Variants in RPTOR observed in about 807,000 individuals in gnomAD.
The protein encoded by RPTOR is regulatory associated protein of MTOR complex 1, also known as regulatory-associated protein of mTOR.
A neutral mutation model predicts 169.9 loss-of-function variants in RPTOR; 21 were observed. The observed-to-expected ratio is 0.12, with a 90% confidence interval of 0.09 to 0.18. RPTOR has a LOEUF of 0.18. Ranked by LOEUF, RPTOR falls within the 10% of genes least tolerant of loss-of-function variation. The pLI is 1.00. For missense variants in RPTOR, 1,133 were observed against 1,855.9 expected (o/e 0.61, Z 7.16); for synonymous variants, 732 against 753.2 (o/e 0.97, Z 0.46).
chr17:80,691,820 A>G (rs2065994489), intron 3 of RPTOR, among the ~76,000 whole-genome samples: 1 of 152,138 alleles, frequency 6.6e-6, no homozygotes, highest in Non-Finnish European at 1.5e-5. Context: ...TGTTTCAAAG[A>G]TAAAATACGA....
intron 16 of RPTOR, 145 bp downstream of exon 16, chr17:80,884,117 C>T: frequency 1.2e-6 from 1 of 824,844 alleles, no homozygotes; most frequent in Non-Finnish European, 1.9e-6. Context: ...ACAGTGGGAC[C>T]TTGGTGAGAA....
At chr17:80,760,621 G>A (rs895657630) in intron 6 of RPTOR, among the ~76,000 whole-genome samples, 3 of 151,576 alleles carry the variant, frequency 2.0e-5, no homozygotes, top group African/African-American at 7.3e-5. Flanking sequence ...CTTTCTTTAA[G>A]GAAACAGGCA....
intron 7 of RPTOR, among the ~76,000 whole-genome samples, chr17:80,796,831 A>C (rs556541049): frequency 6.6e-6 from 1 of 152,366 alleles, no homozygotes; most frequent in South Asian, 2.1e-4. Flanking sequence ...TCCGCCTCAC[A>C]GTGTGACAGA....
chr17:80,960,276 TG>T lies in RPTOR; in HGVS notation c.3605+72del. The T allele has an allele frequency of 6.3e-7, 1 of 1,590,176 alleles. No individual in the cohort carries two copies. The highest frequency in any genetic ancestry group is 2.2e-5 in the East Asian group (1 of 44,514). ...CTTCCAGGTGGTAGGGCCGTGTCACTGCCATTTGGTTGGGTCCAGGTTTCTC... is the reference window on the plus strand; with the variant it reads ...CTTCCAGGTGGTAGGGCCGTGTCACTCCATTTGGTTGGGTCCAGGTTTCTC... On this transcript the variant is annotated intron_variant, in intron 30 of 33. Coordinates refer to ENST00000306801, the MANE Select transcript of RPTOR (RefSeq NM_020761.3). The surrounding 1 kb of genome is among the most constrained non-coding windows in gnomAD (Gnocchi z 4.8).
chr17:80,554,763 C>T (rs921006380), intron 1 of RPTOR, among the ~76,000 whole-genome samples: 1 of 118,652 alleles, frequency 8.4e-6, no homozygotes, highest in Non-Finnish European at 1.9e-5. Flanking sequence ...CAAAACAAAA[C>T]AAAACAAACA....
At chr17:80,550,588 C>G (rs1285149420) in intron 1 of RPTOR, among the ~76,000 whole-genome samples, 2 of 151,820 alleles carry the variant, frequency 1.3e-5, no homozygotes, top group Non-Finnish European at 2.9e-5. Context: ...CCTGCTTTTT[C>G]TTAGTTTTCT....
At chr17:80,843,763 A>G (rs1440597711) in intron 10 of RPTOR, among the ~76,000 whole-genome samples, 1 of 152,182 alleles carries the variant, frequency 6.6e-6, no homozygotes, top group African/African-American at 2.4e-5. Flanking sequence ...GGCGGCAGGT[A>G]TGCTCAGGTT....
In RPTOR at chr17:80,736,614, A is replaced by G. The variant is rs2066435758; in HGVS notation, c.654+5908A>G. ...TATTAAATGCATATCTCACAGATCTAAAGTACTCATGTTCTGAAATCTTCT... is the reference window on the plus strand; with the variant it reads ...TATTAAATGCATATCTCACAGATCTGAAGTACTCATGTTCTGAAATCTTCT... On this transcript the variant is annotated intron_variant, in intron 5 of 33. Transcript: ENST00000306801. 3.3e-5 allele frequency among the ~76,000 whole-genome samples: 5 copies of G among 152,360 alleles called. No homozygotes were observed. The South Asian group carries it at 1.0e-3, about 32-fold the overall frequency.
rs1324170123 is a variant in RPTOR at position 80,651,180 on chromosome 17, C to T, written c.348+7370C>T. Among the ~76,000 whole-genome samples, 3 of 151,958 alleles carry T rather than the reference C, an allele frequency of 2.0e-5. No homozygotes were observed. Among genetic ancestry groups the T allele is most frequent in the Non-Finnish European group, 4.4e-5 (3 of 67,994 alleles). On this transcript the variant is annotated intron_variant, in intron 3 of 33. Transcript: ENST00000306801. The surrounding 1 kb of genome is among the most constrained non-coding windows in gnomAD (Gnocchi z 4.1). ...CTCTGAAGGACAGGCAGGTGCCAGG[C>T]GAGGGATGGAAGTGCTGCTTCTAAG...
intron 3 of RPTOR, among the ~76,000 whole-genome samples, chr17:80,674,937 G>A (rs2143691768): frequency 1.3e-5 from 2 of 152,130 alleles, no homozygotes; most frequent in African/African-American, 4.8e-5. Flanking sequence ...GAATCGTCCT[G>A]ACGTGGAGGT....
At chr17:80,902,866 C>T (rs886518573) in intron 20 of RPTOR, among the ~76,000 whole-genome samples, 3 of 152,250 alleles carry the variant, frequency 2.0e-5, no homozygotes, top group East Asian at 1.9e-4. Flanking sequence ...CGAAACCCTG[C>T]GTCTCGGCCA....
intron 8 of RPTOR, 109 bp downstream of exon 8, chr17:80,822,410 T>C: frequency 9.2e-7 from 1 of 1,081,796 alleles, no homozygotes; most frequent in South Asian, 1.3e-5. Flanking sequence ...GCCTCCCTAG[T>C]GAGGAAGACA....
intron 3 of RPTOR, among the ~76,000 whole-genome samples, chr17:80,700,377 T>G (rs1445546386): frequency 6.6e-6 from 1 of 151,722 alleles, no homozygotes; most frequent in African/African-American, 2.4e-5. Flanking sequence ...AGATAAGTGG[T>G]GGTGGTGATG....
chr17:80,670,163 T>G (rs1310780956), intron 3 of RPTOR, among the ~76,000 whole-genome samples: 1 of 152,246 alleles, frequency 6.6e-6, no homozygotes, highest in African/African-American at 2.4e-5. Context: ...CTTGGTTTCT[T>G]GTTCACTGTA....
At chr17:80,672,198 G>A (rs369611887) in intron 3 of RPTOR, among the ~76,000 whole-genome samples, 92 of 152,210 alleles carry the variant, frequency 6.0e-4, no homozygotes, top group African/African-American at 2.0e-3. Context: ...ATAAAGATTA[G>A]GTTTGGCTGA....
Position 80,904,371 on chromosome 17 carries a change from C to T in RPTOR, c.2402-4440C>T, listed in dbSNP as rs927979417. On this transcript the variant is annotated intron_variant, in intron 20 of 33. Transcript: ENST00000306801. ...TGCCAACCCCTCAGCCTTGGGGTGGCGGCTGGCAGCTGTCACCTGCAGGAA... is the reference window on the plus strand; with the variant it reads ...TGCCAACCCCTCAGCCTTGGGGTGGTGGCTGGCAGCTGTCACCTGCAGGAA... Among the ~76,000 whole-genome samples, 6 of 152,184 alleles carry T rather than the reference C, an allele frequency of 3.9e-5. No homozygotes were observed. The East Asian group carries it at 5.8e-4, about 15-fold the overall frequency.
rs566269608 is a variant in RPTOR at position 80,830,003 on chromosome 17, T to C, written c.1136+6780T>C. On this transcript the variant is annotated intron_variant, in intron 9 of 33. Transcript: ENST00000306801. Reference sequence around the variant, plus strand: ...GTCAGTTCCATTTAATGCTGAAAATTATATCATGAGCCAACTTTGATAGGG... The same window carrying C: ...GTCAGTTCCATTTAATGCTGAAAATCATATCATGAGCCAACTTTGATAGGG... 4.6e-5 allele frequency among the ~76,000 whole-genome samples: 7 copies of C among 152,302 alleles called. No individual in the cohort carries two copies. In the South Asian group the frequency reaches 1.4e-3, roughly 32 times the overall value.
At chr17:80,660,788 C>A (rs1160855234) in intron 3 of RPTOR, among the ~76,000 whole-genome samples, 2 of 152,218 alleles carry the variant, frequency 1.3e-5, no homozygotes, top group Admixed American at 1.3e-4. Flanking sequence ...GTCCCCAATG[C>A]AGGCAGCCCC....
At chr17:80,950,002 G>T (rs1041717559) in intron 28 of RPTOR, among the ~76,000 whole-genome samples, 2 of 152,256 alleles carry the variant, frequency 1.3e-5, no homozygotes, top group African/African-American at 4.8e-5. Context: ...CTGGTGGGAC[G>T]GAGTGGCTGC....
Sources: allele counts gnomAD v4.1 joint callset (sites outside exome capture counted in the v4.1 genomes callset), GRCh38; gene constraint gnomAD v4.1.1; non-coding constraint Gnocchi (gnomAD v3.1); transcripts MANE v1.5; gene names NCBI Gene and HGNC (gene_info 2026-07-23, HGNC 2026-07-21).